FSD2: variants seen among roughly 807,000 people sequenced by gnomAD.
FSD2 encodes the protein fibronectin type III and SPRY domain containing 2.
FSD2 carries 71 observed loss-of-function variants against 80.4 expected under a neutral mutation model. The ratio of observed to expected loss-of-function variants is 0.88; its 90% CI spans 0.73 to 1.08. FSD2 has a LOEUF of 1.08. Among genes scored for constraint, FSD2 ranks in the 50% least tolerant of loss-of-function variants. FSD2 has a pLI of 0.00. For synonymous variants in FSD2, 361 were observed against 329.5 expected (o/e 1.10, Z -1.03); for missense variants, 923 against 913.8 (o/e 1.01, Z -0.13).
chr15:82,798,559 T>C (rs1216722053), intron 1 of FSD2, among the ~76,000 whole-genome samples: 1 of 152,220 alleles, frequency 6.6e-6, no homozygotes, highest in Non-Finnish European at 1.5e-5. Flanking sequence ...TATAATGTTT[T>C]GAGAAAAATA....
chr15:82,778,158 A>ATATATAT lies in FSD2; in HGVS notation c.1111+607_1111+608insATATATA, dbSNP rs1482215584. On this transcript the variant is annotated intron_variant, in intron 6 of 12. Transcript: ENST00000334574. The stretch of plus-strand genomic sequence containing the variant: ...TATATATATATATATATATATATAT[A>ATATATAT]ATAACTATTACATGATCTAGTAATT... 8.8e-4 allele frequency among the ~76,000 whole-genome samples: 114 copies of ATATATAT among 128,916 alleles called. 3 individuals carry two copies. The highest frequency in any genetic ancestry group is 2.1e-3 in the African/African-American group (65 of 30,290). 84.6% of individuals were successfully genotyped at this position (128,916 alleles called of 152,430 possible).
At chr15:82,772,278 G>A (rs995890404) in intron 6 of FSD2, 50 bp from the exon 7 acceptor site, 9 of 1,543,916 alleles carry the variant, frequency 5.8e-6, no homozygotes, top group African/African-American at 1.4e-5. Context: ...GAGGTGTGGG[G>A]TGACAGTGGC....
chr15:82,804,820 A>C (rs2050491415), intron 1 of FSD2, among the ~76,000 whole-genome samples: 1 of 152,202 alleles, frequency 6.6e-6, no homozygotes, highest in Admixed American at 6.5e-5. Flanking sequence ...GTCTCAACAC[A>C]AACTGGCTCA....
intron 1 of FSD2, among the ~76,000 whole-genome samples, chr15:82,802,289 G>T (rs1260069284): frequency 1.3e-5 from 2 of 152,132 alleles, no homozygotes; most frequent in Non-Finnish European, 2.9e-5. Flanking sequence ...AGCTCCTCCT[G>T]GGTATCATGC....
At chr15:82,777,178 A>G (rs1026193926) in intron 6 of FSD2, among the ~76,000 whole-genome samples, 2 of 152,230 alleles carry the variant, frequency 1.3e-5, no homozygotes. Context: ...GATTTCTTAG[A>G]TTTGACACCA....
rs761955623 is a variant in FSD2, at chr15:82,765,984, G to A, written c.1601C>T (p.Pro534Leu). The A allele has an allele frequency of 4.1e-5, 65 of 1,598,728 alleles. No homozygotes were observed. The highest frequency in any genetic ancestry group is 5.7e-5 in the South Asian group (5 of 88,138). The stretch of plus-strand genomic sequence containing the variant: ...CACATAGATAATGTAGCTCCGCCCC[G>A]GCTGCAGCTGCACCACGGACTCGCA... ...PTCESVVQLQ[P>L]GRSYIIYVRA... Residue 534 changes from proline to leucine, a missense_variant, in exon 10 of 13, where the codon CCG becomes CTG. Physicochemically the swap from Pro to Leu is moderately conservative, Grantham distance 98. Coordinates refer to ENST00000334574, the MANE Select transcript of FSD2 (RefSeq NM_001007122.4).
chr15:82,762,393 G>T, intron 11 of FSD2, 115 bp from the exon 12 acceptor site: 1 of 907,762 alleles, frequency 1.1e-6, no homozygotes, highest in Non-Finnish European at 1.7e-6. Context: ...CGTGGTGGTA[G>T]GTGCTTCTGG....
intron 1 of FSD2, among the ~76,000 whole-genome samples, chr15:82,790,430 G>C (rs943052111): frequency 1.3e-5 from 2 of 152,066 alleles, no homozygotes; most frequent in African/African-American, 4.8e-5. Context: ...GCTCACACAG[G>C]TATTTCCTCT....
At chr15:82,762,326 T>G (rs2049312719) in intron 11 of FSD2, 48 bp from the exon 12 acceptor site, 3 of 1,585,616 alleles carry the variant, frequency 1.9e-6, no homozygotes, top group Non-Finnish European at 2.6e-6. Flanking sequence ...GCCCCAAGCC[T>G]GGCTGTGCAG....
At chr15:82,790,323 C>T (rs2050110191) in intron 1 of FSD2, among the ~76,000 whole-genome samples, 1 of 152,186 alleles carries the variant, frequency 6.6e-6, no homozygotes, top group South Asian at 2.1e-4. Flanking sequence ...CTGAATCTTC[C>T]CTGAACCTTC....
intron 7 of FSD2, 50 bp downstream of exon 7, chr15:82,772,023 G>A (rs2049588129): frequency 6.8e-7 from 1 of 1,480,342 alleles, no homozygotes; most frequent in East Asian, 2.4e-5. Context: ...GGCCCCTGAG[G>A]GGCCTGAACT....
intron 3 of FSD2, 136 bp downstream of exon 3, chr15:82,786,375 G>A (rs1329112981): frequency 1.5e-6 from 1 of 674,290 alleles, no homozygotes; most frequent in Non-Finnish European, 2.6e-6. Flanking sequence ...GTGAAAGAAG[G>A]GAGGAGAGAA....
intron 9 of FSD2, among the ~76,000 whole-genome samples, chr15:82,767,951 C>G (rs960655597): frequency 4.6e-5 from 7 of 152,188 alleles, no homozygotes; most frequent in Non-Finnish European, 1.0e-4. Flanking sequence ...CTGGTGCTGG[C>G]CTGCCTGGGT....
At chr15:82,799,765 C>T (rs369899660) in intron 1 of FSD2, among the ~76,000 whole-genome samples, 19 of 152,172 alleles carry the variant, frequency 1.2e-4, no homozygotes, top group East Asian at 1.2e-3. Flanking sequence ...GCACACACGT[C>T]GCCTTGGGGT....
chr15:82,784,239 T>G (rs2049942274), intron 3 of FSD2, among the ~76,000 whole-genome samples: 1 of 150,740 alleles, frequency 6.6e-6, no homozygotes, highest in South Asian at 2.1e-4. Context: ...TTTTTTATTT[T>G]ATTTTATTTT....
chr15:82,794,731 T>C (rs530439490), intron 1 of FSD2, among the ~76,000 whole-genome samples: 63 of 151,000 alleles, frequency 4.2e-4, no homozygotes, highest in Non-Finnish European at 5.2e-4. Context: ...CTTTTCTTTT[T>C]TTTTTTTTTT....
At chr15:82,783,870 C>T (rs138587574) in intron 3 of FSD2, among the ~76,000 whole-genome samples, 2 of 152,268 alleles carry the variant, frequency 1.3e-5, no homozygotes, top group East Asian at 3.9e-4. Flanking sequence ...GCACTGCTTA[C>T]AGATGAGAAG....
In FSD2 at chr15:82,782,781, G is replaced by C. The variant is rs1483712403; in HGVS notation, c.966+14C>G. 1.3e-6 allele frequency: 2 copies of C among 1,533,978 alleles called. No homozygotes were observed. The highest frequency in any genetic ancestry group is 1.8e-6 in the Non-Finnish European group (2 of 1,118,110). On this transcript the variant is annotated intron_variant, in intron 4 of 12. Transcript: ENST00000334574. Reference sequence around the variant, plus strand: ...TCCATTATGTTCATTATTTCATTTTGTTTCATTACTGACCTTTATGAAATC... The same window carrying C: ...TCCATTATGTTCATTATTTCATTTTCTTTCATTACTGACCTTTATGAAATC...
chr15:82,764,444 C>G (rs978590873), intron 11 of FSD2, among the ~76,000 whole-genome samples: 1 of 148,100 alleles, frequency 6.8e-6, no homozygotes, highest in Non-Finnish European at 1.5e-5. Context: ...GTGGAGTGTG[C>G]TTTCGTTTTC....
Sources: allele counts gnomAD v4.1 joint callset (sites outside exome capture counted in the v4.1 genomes callset), GRCh38; gene constraint gnomAD v4.1.1; transcripts MANE v1.5; gene names NCBI Gene and HGNC (gene_info 2026-07-23, HGNC 2026-07-21).